Variants in TCF4 observed in about 807,000 individuals in gnomAD.
TCF4 encodes SL3-3 enhancer factor 2.
Under a neutral mutation model 82.1 loss-of-function variants are expected in TCF4, and 3 were observed. That is an observed-to-expected ratio of 0.04 (90% CI 0.02 to 0.09). The LOEUF is 0.09. Ranked by LOEUF, TCF4 falls within the 10% of genes least tolerant of loss-of-function variation. The pLI is 1.00. For missense variants in TCF4, 518 were observed against 852.7 expected (o/e 0.61, Z 4.89); for synonymous variants, 276 against 309.6 (o/e 0.89, Z 1.14).
rs1379388194 is a variant in TCF4 at position 55,227,925 on chromosome 18, T to C, written c.*110A>G. The stretch of plus-strand genomic sequence containing the variant: ...TTCATAACTACTCAGACTTGTCTTA[T>C]ATTACAAAAATGGGGGTTAAGGAGA... On this transcript the variant is annotated 3_prime_UTR_variant, in exon 20 of 20. Coordinates refer to ENST00000354452, the MANE Select transcript of TCF4 (RefSeq NM_001083962.2). 3 of 346,430 alleles carry C rather than the reference T, an allele frequency of 8.7e-6. No homozygotes were observed. Among genetic ancestry groups the C allele is most frequent in the Non-Finnish European group, 1.6e-5 (3 of 183,702 alleles). The allele number at this position is 346,430 out of a possible 1,614,324, so 21.5% of individuals were successfully genotyped here. A position where few individuals can be genotyped will look rare whatever the true frequency, so the allele number is the denominator to read the frequency against.
chr18:55,228,198 G>A, intron 19 of TCF4, 23 bp downstream of exon 19: 1 of 1,614,024 alleles, frequency 6.2e-7, no homozygotes, highest in Non-Finnish European at 8.5e-7. Context: ...ATCGATCTCA[G>A]AAATGGCTGA....
chr18:55,575,217 T>C (rs1041857943), intron 3 of TCF4, among the ~76,000 whole-genome samples: 45 of 152,308 alleles, frequency 3.0e-4, no homozygotes, highest in African/African-American at 8.4e-4. Flanking sequence ...AGTAACTAGA[T>C]TGAAGAATCA....
intron 3 of TCF4, among the ~76,000 whole-genome samples, chr18:55,520,808 G>C (rs1194197222): frequency 6.6e-6 from 1 of 152,156 alleles, no homozygotes; most frequent in African/African-American, 2.4e-5. Flanking sequence ...GTCTGACATT[G>C]CTCCACAGTT....
intron 3 of TCF4, among the ~76,000 whole-genome samples, chr18:55,530,983 G>A (rs2097056433): frequency 6.6e-6 from 1 of 151,204 alleles, no homozygotes; most frequent in Non-Finnish European, 1.5e-5. Context: ...ACGGAGTCTT[G>A]TTCTGTCATC....
chr18:55,232,796 C>T (rs2048276678), intron 16 of TCF4, 125 bp from the exon 17 acceptor site: 3 of 1,263,476 alleles, frequency 2.4e-6, no homozygotes, highest in Admixed American at 2.0e-5. Flanking sequence ...TTTTTTTTCC[C>T]CCTGCTATCT....
In TCF4 at chr18:55,222,662, T is replaced by C. The variant is rs971182012; in HGVS notation, c.*5373A>G. On this transcript the variant is annotated 3_prime_UTR_variant, in exon 20 of 20. Transcript: ENST00000354452. ...AACATTCTGTTATGAAGCGCTCAGC[T>C]ACCGCGGGCTTTCCTTTACATTGCA... 1 of 152,660 alleles carries C rather than the reference T, an allele frequency of 6.6e-6. No homozygotes were observed. The highest frequency in any genetic ancestry group is 2.4e-5 in the African/African-American group (1 of 41,458). 9.5% of individuals were successfully genotyped at this position (152,660 alleles called of 1,614,324 possible).
At chr18:55,629,222 G>T (rs1439300476) in intron 2 of TCF4, among the ~76,000 whole-genome samples, 5 of 152,144 alleles carry the variant, frequency 3.3e-5, no homozygotes, top group Non-Finnish European at 7.3e-5. Context: ...ATGCTGACAA[G>T]AAGTCCTAAG....
intron 8 of TCF4, among the ~76,000 whole-genome samples, chr18:55,303,242 C>CACACACACACACACACACCCCT (rs374558808): frequency 2.0e-5 from 3 of 150,402 alleles, no homozygotes; most frequent in Admixed American, 6.6e-5. Flanking sequence ...CACACACACA[C>CACACACACACACACACACCCCT]ACACACACAC....
chr18:55,539,846 C>T (rs771722061), intron 3 of TCF4, among the ~76,000 whole-genome samples: 4 of 151,886 alleles, frequency 2.6e-5, no homozygotes, highest in East Asian at 1.9e-4. Context: ...ATACAATACA[C>T]GAGACCAATG....
intron 8 of TCF4, among the ~76,000 whole-genome samples, chr18:55,340,263 C>T (rs904877952): frequency 1.3e-5 from 2 of 152,078 alleles, no homozygotes; most frequent in Admixed American, 1.3e-4. Context: ...GCATCACAGC[C>T]GATGTACCAG....
intron 6 of TCF4, among the ~76,000 whole-genome samples, chr18:55,390,928 A>T (rs868808048): frequency 2.0e-5 from 3 of 152,234 alleles, no homozygotes; most frequent in Non-Finnish European, 2.9e-5. Context: ...TTGCACCCTC[A>T]AAAAAGACTC....
chr18:55,577,112 A>G (rs535417630), intron 3 of TCF4, among the ~76,000 whole-genome samples: 1 of 146,212 alleles, frequency 6.8e-6, no homozygotes, highest in African/African-American at 2.5e-5. Context: ...TTATATATGT[A>G]TATATACATT....
At chr18:55,293,120 T>TC (rs1439203241) in intron 8 of TCF4, among the ~76,000 whole-genome samples, 1 of 152,114 alleles carries the variant, frequency 6.6e-6, no homozygotes, top group Non-Finnish European at 1.5e-5. Context: ...AATTTTACAT[T>TC]ATGTGACTTT....
intron 5 of TCF4, among the ~76,000 whole-genome samples, chr18:55,446,455 A>G (rs1204616591): frequency 6.6e-6 from 1 of 152,170 alleles, no homozygotes; most frequent in Non-Finnish European, 1.5e-5. Flanking sequence ...CAAAGGAGGC[A>G]ATGCAGTGGT....
intron 3 of TCF4, among the ~76,000 whole-genome samples, chr18:55,556,847 A>G (rs2097308733): frequency 6.6e-6 from 1 of 152,222 alleles, no homozygotes; most frequent in Non-Finnish European, 1.5e-5. Context: ...TGTAAAACTT[A>G]AGAGAATTCT....
intron 2 of TCF4, among the ~76,000 whole-genome samples, chr18:55,620,821 T>C (rs1446800971): frequency 6.6e-6 from 1 of 151,992 alleles, no homozygotes; most frequent in Admixed American, 6.6e-5. Flanking sequence ...TTTTGGTTCT[T>C]GCAGGTGGCT....
Position 55,490,613 on chromosome 18 carries a change from CA to C in TCF4, c.146-26477del, listed in dbSNP as rs111901375. Among the ~76,000 whole-genome samples the C allele has an allele frequency of 1.7e-3, 243 of 139,106 alleles. 1 individual carries two copies. The highest frequency in any genetic ancestry group is 5.8e-3 in the East Asian group (28 of 4,810). 91.3% of individuals were successfully genotyped at this position (139,106 alleles called of 152,430 possible). A position where few individuals can be genotyped will look rare whatever the true frequency, so the allele number is the denominator to read the frequency against. On this transcript the variant is annotated intron_variant, in intron 3 of 19. Coordinates refer to ENST00000354452, the MANE Select transcript of TCF4 (RefSeq NM_001083962.2). ...TTAGATAGTTTGATTTAGAATGGAG[CA>C]AAAAAAAAAAGAAACTGAATAATCA...
At chr18:55,531,989 G>A (rs2097068950) in intron 3 of TCF4, among the ~76,000 whole-genome samples, 1 of 152,156 alleles carries the variant, frequency 6.6e-6, no homozygotes, top group African/African-American at 2.4e-5. Flanking sequence ...TGCATAGGAT[G>A]CAAATGTACC....
intron 2 of TCF4, chr18:55,585,961 G>A (rs2097640822): frequency 3.1e-6 from 4 of 1,302,336 alleles, no homozygotes. Flanking sequence ...GTATCTAGTG[G>A]ATAATGCACA....
Sources: allele counts gnomAD v4.1 joint callset (sites outside exome capture counted in the v4.1 genomes callset), GRCh38; gene constraint gnomAD v4.1.1; transcripts MANE v1.5; gene names NCBI Gene and HGNC (gene_info 2026-07-23, HGNC 2026-07-21).